MYBPC1: variants seen among roughly 807,000 people sequenced by gnomAD.
MYBPC1 encodes the protein myosin-binding protein C, slow-type.
In MYBPC1, 52 loss-of-function variants were observed where a neutral mutation model predicts 147.1. The observed-to-expected ratio is 0.35, with a 90% CI of 0.28 to 0.45. The LOEUF (loss-of-function observed/expected upper bound fraction) is 0.45. Among genes scored for constraint, MYBPC1 ranks in the 20% least tolerant of loss-of-function variants. The pLI is 1.00. For synonymous variants in MYBPC1, 477 were observed against 475.9 expected, an observed-to-expected ratio of 1.00 and a Z score of -0.03; for missense variants, 1,228 against 1,440.3, an observed-to-expected ratio of 0.85 and a Z score of 2.39.
At chr12:101,688,006 A>G (rs77413750), downstream of MYBPC1, among the ~76,000 whole-genome samples, 6,405 of 152,332 alleles carry the variant, frequency 0.042, 228 homozygotes, top group South Asian at 0.062. Flanking sequence ...CAAAGAGCAA[A>G]AAATATCAGA....
chr12:101,674,395 C>T (rs1003685557), intron 25 of MYBPC1, among the ~76,000 whole-genome samples: 1 of 152,004 alleles, frequency 6.6e-6, no homozygotes, highest in African/African-American at 2.4e-5. Context: ...TGTACCTAAG[C>T]AAAATTGAAC....
chr12:101,595,304 A>G (rs756290782), intron 1 of MYBPC1, among the ~76,000 whole-genome samples: 2 of 152,186 alleles, frequency 1.3e-5, no homozygotes, highest in African/African-American at 2.4e-5. Flanking sequence ...GATAGTTTCT[A>G]AAGGGATATT....
At chr12:101,685,222 T>A (rs1421825605) in intron 31 of MYBPC1, among the ~76,000 whole-genome samples, 1 of 152,204 alleles carries the variant, frequency 6.6e-6, no homozygotes, top group African/African-American at 2.4e-5. Flanking sequence ...TAATGTGGTA[T>A]GCATTTATTC....
At chr12:101,607,086 G>A (rs1825534620) in intron 1 of MYBPC1, among the ~76,000 whole-genome samples, 1 of 152,156 alleles carries the variant, frequency 6.6e-6, no homozygotes, top group African/African-American at 2.4e-5. Context: ...CCCCCAAAGT[G>A]CTGAGATCAT....
chr12:101,678,358 GAAGGTGGTA>G (rs1439353905), intron 28 of MYBPC1, 120 bp downstream of exon 28: 1 of 1,403,168 alleles, frequency 7.1e-7, no homozygotes, highest in African/African-American at 1.4e-5. Context: ...TGGGGGATTA[GAAGGTGGTA>G]GTGGTGGTAG....
chr12:101,659,528 T>TA (rs1225092550), intron 18 of MYBPC1, 144 bp from the exon 19 acceptor site: 2 of 819,774 alleles, frequency 2.4e-6, no homozygotes, highest in Non-Finnish European at 4.1e-6. Flanking sequence ...ACTATATAGT[T>TA]ACACTATATA....
chr12:101,681,437 A>G (rs1272540556), intron 29 of MYBPC1, among the ~76,000 whole-genome samples: 1 of 150,360 alleles, frequency 6.7e-6, no homozygotes, highest in African/African-American at 2.4e-5. Flanking sequence ...AAAACTAGTA[A>G]ATATCTATTT....
rs3803139 is a variant in MYBPC1, at chr12:101,634,816, G to A, written c.608+211G>A. 0.027 allele frequency among the ~76,000 whole-genome samples: 4,168 copies of A among 152,252 alleles called. 283 individuals carry two copies. Among genetic ancestry groups the A allele is most frequent in the East Asian group, 0.26 (1,370 of 5,176 alleles). On this transcript the variant is annotated intron_variant, in intron 9 of 31. Coordinates refer to ENST00000361466, the MANE Select transcript of MYBPC1 (RefSeq NM_002465.4). ...ACTGACCATTTTTTAGAATGTTCTT[G>A]TTATAAAGAAGTTCCTGTTTTGGAG...
intron 1 of MYBPC1, among the ~76,000 whole-genome samples, chr12:101,610,004 C>A (rs1593645737): frequency 6.6e-6 from 1 of 152,188 alleles, no homozygotes; most frequent in African/African-American, 2.4e-5. Flanking sequence ...CTAGCCATGA[C>A]AGGACCTGTC....
At chr12:101,656,669 C>T (rs1233498761) in intron 18 of MYBPC1, among the ~76,000 whole-genome samples, 8 of 152,124 alleles carry the variant, frequency 5.3e-5, no homozygotes, top group Non-Finnish European at 1.2e-4. Context: ...AACATGTATA[C>T]ACCTAACAAC....
chr12:101,663,157 C>T (rs1487496229), intron 21 of MYBPC1, among the ~76,000 whole-genome samples: 1 of 152,034 alleles, frequency 6.6e-6, no homozygotes, highest in Non-Finnish European at 1.5e-5. Flanking sequence ...GATCCCAAAC[C>T]TTGCCTTCTT....
intron 1 of MYBPC1, among the ~76,000 whole-genome samples, chr12:101,613,120 A>G (rs913116815): frequency 2.0e-5 from 3 of 152,234 alleles, no homozygotes; most frequent in African/African-American, 7.2e-5. Flanking sequence ...AAAAAACAAT[A>G]AATTGGAGTT....
intron 6 of MYBPC1, among the ~76,000 whole-genome samples, chr12:101,630,826 TA>T (rs2136042909): frequency 6.6e-6 from 1 of 152,320 alleles, no homozygotes; most frequent in East Asian, 1.9e-4. Flanking sequence ...TTTAACCAAA[TA>T]AATCTTTATA....
Position 101,662,454 on chromosome 12 carries a change from T to C in MYBPC1, c.2129T>C (p.Ile710Thr). 6.2e-7 allele frequency: 1 copy of C among 1,614,266 alleles called. No individual in the cohort carries two copies. The highest frequency in any genetic ancestry group is 8.5e-7 in the Non-Finnish European group (1 of 1,180,050). ...KETTFEPKKMIEGVAYEVRIF... is the reference protein window; with the variant it reads ...KETTFEPKKMTEGVAYEVRIF... ...ACAACTTTTGAGCCCAAGAAGATGATTGAAGGTGTGGCCTATGAGGTCCGC... is the reference window on the plus strand; with the variant it reads ...ACAACTTTTGAGCCCAAGAAGATGACTGAAGGTGTGGCCTATGAGGTCCGC... The change falls in exon 21 of 32, where the codon ATT (isoleucine) becomes ACT (threonine). Residue 710 changes from isoleucine to threonine, a missense_variant. This residue lies in a region of MYBPC1 where 1,077 missense variants were observed against 1,314.2 expected (regional missense o/e 0.82). Transcript: ENST00000361466.
chr12:101,642,495 G>T lies in MYBPC1; in HGVS notation c.742G>T (p.Glu248Ter). 6.2e-7 allele frequency: 1 copy of T among 1,614,028 alleles called. No homozygotes were observed. The highest frequency in any genetic ancestry group is 8.5e-7 in the Non-Finnish European group (1 of 1,180,020). ...LLKNAKPSEY[E>*]KIAFQYGITD... ...GAAGAACGCGAAACCCAGTGAGTAC[G>T]AGAAGATCGCCTTCCAGTATGGAAT... Residue 248 changes from glutamate (E) to a stop codon, truncating the protein, a stop_gained, in exon 11 of 32, where the codon GAG becomes TAG. Transcript: ENST00000361466. LOFTEE classifies it high-confidence loss of function.
chr12:101,686,100 A>G (rs1273565244), downstream of MYBPC1: 5 of 154,486 alleles, frequency 3.2e-5, no homozygotes, highest in Non-Finnish European at 5.7e-5. Flanking sequence ...GGAGTTGTTG[A>G]TGTCATACAG....
At chr12:101,627,996 G>A (rs893091798) in intron 5 of MYBPC1, 192 bp downstream of exon 5, 33 of 630,904 alleles carry the variant, frequency 5.2e-5, no homozygotes, top group African/African-American at 1.3e-4. Context: ...TGATACACAC[G>A]CATTCAAGGA....
chr12:101,651,758 G>A (rs1417556359), intron 16 of MYBPC1, among the ~76,000 whole-genome samples: 1 of 152,096 alleles, frequency 6.6e-6, no homozygotes, highest in Non-Finnish European at 1.5e-5. Context: ...TGGGCTACAT[G>A]GCAAAACCTC....
chr12:101,606,061 A>G (rs1882021601), intron 1 of MYBPC1, among the ~76,000 whole-genome samples: 1 of 151,504 alleles, frequency 6.6e-6, no homozygotes, highest in Admixed American at 6.6e-5. Context: ...CAGGCATGGT[A>G]CATGCCTGTA....
Sources: gnomAD v4.1 joint callset for allele counts (sites outside exome capture counted in the v4.1 genomes callset) on GRCh38, gnomAD v4.1.1 for gene constraint, gnomAD v4.1.1 regional missense constraint, MANE v1.5 for transcripts, NCBI Gene and HGNC (gene_info 2026-07-23, HGNC 2026-07-21) for gene names.